LRRC4C: variants seen among roughly 807,000 people sequenced by gnomAD.
The protein encoded by LRRC4C is leucine rich repeat containing 4C, also known as leucine-rich repeat-containing protein 4C.
LRRC4C carries 5 observed loss-of-function variants against 33.6 expected under a neutral mutation model. The ratio of observed to expected loss-of-function variants is 0.15; its 90% CI spans 0.08 to 0.31. The LOEUF (loss-of-function observed/expected upper bound fraction) is 0.31. LRRC4C is among the 10% of genes least tolerant of loss of function. LRRC4C has a pLI of 1.00. For missense variants in LRRC4C, 560 were observed against 796.7 expected, an observed-to-expected ratio of 0.70 and a Z score of 3.58; for synonymous variants, 329 against 302.0, an observed-to-expected ratio of 1.09 and a Z score of -0.93.
intron 1 of LRRC4C, among the ~76,000 whole-genome samples, chr11:41,050,482 C>A (rs1478311563): frequency 5.3e-5 from 8 of 152,074 alleles, no homozygotes; most frequent in Non-Finnish European, 1.2e-4. Context: ...GTGCTATTCC[C>A]CTCCCTGTGT....
At chr11:41,217,946 A>G (rs1947133289) in intron 1 of LRRC4C, among the ~76,000 whole-genome samples, 1 of 152,206 alleles carries the variant, frequency 6.6e-6, no homozygotes, top group South Asian at 2.1e-4. Context: ...AGCACACATA[A>G]TCTTCTTAGT....
chr11:41,409,988 C>T (rs918693414), intron 1 of LRRC4C, among the ~76,000 whole-genome samples: 51 of 152,268 alleles, frequency 3.3e-4, no homozygotes, highest in African/African-American at 1.1e-3. Flanking sequence ...AAAATAGTCT[C>T]AATAATCTGC....
At chr11:40,136,759 T>G (rs1857008820) in intron 6 of LRRC4C, among the ~76,000 whole-genome samples, 1 of 152,214 alleles carries the variant, frequency 6.6e-6, no homozygotes, top group Non-Finnish European at 1.5e-5. Flanking sequence ...TATGGAGGAA[T>G]CCTGGGGAAA....
At chr11:41,310,229 C>T (rs1206901159) in intron 1 of LRRC4C, among the ~76,000 whole-genome samples, 2 of 152,178 alleles carry the variant, frequency 1.3e-5, no homozygotes, top group African/African-American at 4.8e-5. Flanking sequence ...CACATCTCAT[C>T]TTAAATATTC....
chr11:41,441,105 G>A (rs1955603780), intron 1 of LRRC4C, among the ~76,000 whole-genome samples: 1 of 152,106 alleles, frequency 6.6e-6, no homozygotes, highest in African/African-American at 2.4e-5. Context: ...CATGACTAAA[G>A]AAATGCAACA....
intron 1 of LRRC4C, among the ~76,000 whole-genome samples, chr11:41,117,464 C>T (rs918445463): frequency 3.9e-5 from 6 of 152,102 alleles, no homozygotes; most frequent in Non-Finnish European, 8.8e-5. Context: ...AAATGTCATT[C>T]TGTAAACTAT....
chr11:40,742,610 T>C (rs1948211238), intron 2 of LRRC4C, among the ~76,000 whole-genome samples: 1 of 152,062 alleles, frequency 6.6e-6, no homozygotes, highest in Non-Finnish European at 1.5e-5. Context: ...TGCCATTATA[T>C]GTGCATAATT....
At chr11:40,824,205 C>A (rs1183616838) in intron 2 of LRRC4C, among the ~76,000 whole-genome samples, 13 of 151,660 alleles carry the variant, frequency 8.6e-5, no homozygotes, top group Admixed American at 8.6e-4. Context: ...TATCTTAAAA[C>A]CAGATGGTGG....
chr11:41,006,458 C>A (rs1298598287), intron 1 of LRRC4C, among the ~76,000 whole-genome samples: 1 of 152,098 alleles, frequency 6.6e-6, no homozygotes, highest in East Asian at 1.9e-4. Context: ...ATTGGCCACT[C>A]CCCAATTAGC....
chr11:41,424,405 G>A (rs1954969122), intron 1 of LRRC4C, among the ~76,000 whole-genome samples: 1 of 152,080 alleles, frequency 6.6e-6, no homozygotes, highest in Non-Finnish European at 1.5e-5. Context: ...ACTTTGGGTT[G>A]AGAGTTCTCT....
At chr11:40,603,875 G>T (rs904441986) in intron 3 of LRRC4C, among the ~76,000 whole-genome samples, 2 of 152,138 alleles carry the variant, frequency 1.3e-5, no homozygotes, top group African/African-American at 4.8e-5. Context: ...ATAAAATCAC[G>T]TAAGTATTCC....
intron 1 of LRRC4C, among the ~76,000 whole-genome samples, chr11:41,215,049 T>A (rs1345707342): frequency 1.4e-5 from 2 of 147,480 alleles, no homozygotes; most frequent in Non-Finnish European, 3.0e-5. Context: ...TCACATTTTG[T>A]ATAACAGGTT....
chr11:40,400,091 C>T (rs1487468018), intron 3 of LRRC4C, among the ~76,000 whole-genome samples: 1 of 152,052 alleles, frequency 6.6e-6, no homozygotes, highest in Admixed American at 6.6e-5. Context: ...TAGAACAATA[C>T]CTTGACTTCC....
In LRRC4C at chr11:41,241,901, A is replaced by T. The variant is rs146414887; in HGVS notation, c.-496+217530T>A. ...AATCAGAATTCCCCAAATATTCCAT[A>T]TTAATATTCTTTGCAGACATTTCTT... is the stretch of plus-strand genomic sequence containing the variant. On this transcript the variant is annotated intron_variant, in intron 1 of 6. Transcript: ENST00000528697. Among the ~76,000 whole-genome samples, 84 of 152,316 alleles carry T rather than the reference A, an allele frequency of 5.5e-4. 1 individual carries two copies. The East Asian group carries it at 0.016, about 28-fold the overall frequency.
chr11:41,209,505 G>C (rs181639193), intron 1 of LRRC4C, among the ~76,000 whole-genome samples: 161 of 151,692 alleles, frequency 1.1e-3, no homozygotes, highest in Middle Eastern at 6.8e-3. Flanking sequence ...TTTGGATTTA[G>C]AATTAGCTGG....
At chr11:40,841,967 C>G (rs912476897) in intron 2 of LRRC4C, among the ~76,000 whole-genome samples, 1 of 152,136 alleles carries the variant, frequency 6.6e-6, no homozygotes, top group Non-Finnish European at 1.5e-5. Context: ...TTGGTACATG[C>G]CTGTTCCCAC....
At chr11:40,417,535 T>TGA (rs1950372036) in intron 3 of LRRC4C, among the ~76,000 whole-genome samples, 2 of 151,798 alleles carry the variant, frequency 1.3e-5, no homozygotes, top group Admixed American at 6.6e-5. Flanking sequence ...AGAGACTAAG[T>TGA]TTCACCATGT....
intron 3 of LRRC4C, among the ~76,000 whole-genome samples, chr11:40,430,895 A>G (rs1461667758): frequency 7.4e-6 from 1 of 134,876 alleles, no homozygotes; most frequent in African/African-American, 2.8e-5. Context: ...GGAATTGAAC[A>G]ATGAGATCAC....
intron 5 of LRRC4C, among the ~76,000 whole-genome samples, chr11:40,182,527 T>A (rs1590640022): frequency 6.6e-6 from 1 of 152,216 alleles, no homozygotes; most frequent in East Asian, 1.9e-4. Context: ...TCCAAAAACT[T>A]CTTATTTTAG....
Sources: allele counts gnomAD v4.1 joint callset (sites outside exome capture counted in the v4.1 genomes callset), GRCh38; gene constraint gnomAD v4.1.1; transcripts MANE v1.5; gene names NCBI Gene and HGNC (gene_info 2026-07-23, HGNC 2026-07-21).